Variants in ALK observed in about 807,000 individuals in gnomAD.
ALK encodes the protein ALK receptor tyrosine kinase.
A neutral mutation model predicts 163.1 loss-of-function variants in ALK; 74 were observed. That is an observed-to-expected ratio of 0.45 (90% CI 0.38 to 0.55). The LOEUF (loss-of-function observed/expected upper bound fraction) is 0.55, where lower values mean the gene tolerates loss of function less well. ALK is among the 20% of genes least tolerant of loss of function. ALK has a pLI of 0.00. For missense variants in ALK, 2,063 were observed against 2,105.3 expected, an observed-to-expected ratio of 0.98 and a Z score of 0.39; for synonymous variants, 960 against 843.2, an observed-to-expected ratio of 1.14 and a Z score of -2.40.
intron 1 of ALK, among the ~76,000 whole-genome samples, chr2:29,728,029 G>A (rs539079661): frequency 2.6e-5 from 4 of 152,276 alleles, no homozygotes; most frequent in African/African-American, 9.6e-5. Context: ...CCCACCACAG[G>A]AGAAGGTAGC....
At chr2:29,677,242 T>TCCCCC (rs1677904458) in intron 3 of ALK, among the ~76,000 whole-genome samples, 1 of 32,106 alleles carries the variant, frequency 3.1e-5, no homozygotes, top group Non-Finnish European at 5.6e-5. Flanking sequence ...CCTTCTCCCC[T>TCCCCC]CCCCTCCCCT....
chr2:29,400,523 C>T (rs940899895), intron 4 of ALK, among the ~76,000 whole-genome samples: 1 of 152,188 alleles, frequency 6.6e-6, no homozygotes, highest in Non-Finnish European at 1.5e-5. Context: ...GCTGGGGAGT[C>T]TCATTCCCTC....
intron 3 of ALK, among the ~76,000 whole-genome samples, chr2:29,688,734 T>C (rs1470828211): frequency 6.6e-6 from 1 of 152,176 alleles, no homozygotes. Context: ...GTCACTCCAA[T>C]TACATTTTTC....
At chr2:29,824,169 C>T (rs1271930654) in intron 1 of ALK, among the ~76,000 whole-genome samples, 2 of 152,202 alleles carry the variant, frequency 1.3e-5, no homozygotes, top group Non-Finnish European at 2.9e-5. Flanking sequence ...TGCAGGTACA[C>T]AGAAGTCAAG....
At chr2:29,912,126 A>T (rs980590184) in intron 1 of ALK, among the ~76,000 whole-genome samples, 1 of 152,220 alleles carries the variant, frequency 6.6e-6, no homozygotes, top group African/African-American at 2.4e-5. Flanking sequence ...AGAGCATGGG[A>T]GATCTAACAG....
At chr2:29,609,440 A>G (rs1209862318) in intron 3 of ALK, among the ~76,000 whole-genome samples, 3 of 152,130 alleles carry the variant, frequency 2.0e-5, no homozygotes, top group Admixed American at 6.5e-5. Flanking sequence ...GAAGAGAAAT[A>G]TTAAGAGCTT....
At chr2:29,885,387 A>C (rs1039579981) in intron 1 of ALK, among the ~76,000 whole-genome samples, 2 of 152,166 alleles carry the variant, frequency 1.3e-5, no homozygotes, top group African/African-American at 4.8e-5. Context: ...GAACATCACG[A>C]AAGTCTGAAA....
intron 11 of ALK, among the ~76,000 whole-genome samples, chr2:29,259,014 G>C (rs560614110): frequency 6.6e-6 from 1 of 152,014 alleles, no homozygotes; most frequent in Non-Finnish European, 1.5e-5. Flanking sequence ...ATATCACAAG[G>C]TACATCATGA....
intron 1 of ALK, among the ~76,000 whole-genome samples, chr2:29,733,708 T>C (rs1169919433): frequency 1.3e-5 from 2 of 151,972 alleles, no homozygotes; most frequent in African/African-American, 2.4e-5. Flanking sequence ...CCATTGAGAG[T>C]TCTGAGTTTT....
intron 8 of ALK, among the ~76,000 whole-genome samples, chr2:29,306,691 A>G (rs1666518406): frequency 6.6e-6 from 1 of 152,212 alleles, no homozygotes; most frequent in South Asian, 2.1e-4. Flanking sequence ...ATTCACACAA[A>G]TATGCGAAAT....
At chr2:29,693,693 C>T (rs1678469684) in intron 3 of ALK, among the ~76,000 whole-genome samples, 1 of 152,116 alleles carries the variant, frequency 6.6e-6, no homozygotes, top group Non-Finnish European at 1.5e-5. Flanking sequence ...TGTTAGGCTC[C>T]CTAGTAGCAT....
intron 3 of ALK, among the ~76,000 whole-genome samples, chr2:29,588,346 T>C (rs1307854257): frequency 6.6e-6 from 1 of 152,176 alleles, no homozygotes; most frequent in Non-Finnish European, 1.5e-5. Context: ...TTCTTGCGTC[T>C]CAGCCTCCCG....
At chr2:29,330,347 G>A (rs1667402164) in intron 5 of ALK, among the ~76,000 whole-genome samples, 1 of 152,144 alleles carries the variant, frequency 6.6e-6, no homozygotes, top group South Asian at 2.1e-4. Context: ...CGTCCGTCCA[G>A]GTCCAGCTCA....
In ALK at chr2:29,694,916, C is replaced by T. The variant is rs56077855; in HGVS notation, c.886G>A (p.Glu296Lys). Residue 296 changes from glutamate (E) to lysine (K), a missense_variant, in exon 3 of 29, where the codon GAG becomes AAG. Glu to Lys is a moderately conservative substitution (Grantham distance 56). Coordinates refer to ENST00000389048, the MANE Select transcript of ALK (RefSeq NM_004304.5). ...QSWSWRRIPS[E>K]EASQMDLLDG... ...AGCAAGTCCATCTGGGAGGCCTCCT[C>T]GGAGGGGATGCGGCGCCAGGACCAG... The T allele has an allele frequency of 2.8e-5, 45 of 1,613,988 alleles. No homozygotes were observed. In the Admixed American group the frequency reaches 5.2e-4, roughly 19 times the overall value.
At chr2:29,302,986 A>G (rs1666411842) in intron 8 of ALK, among the ~76,000 whole-genome samples, 1 of 152,238 alleles carries the variant, frequency 6.6e-6, no homozygotes, top group Non-Finnish European at 1.5e-5. Flanking sequence ...GACTAAGACC[A>G]TAAAAGCAAA....
chr2:29,828,060 A>C (rs1256982060), intron 1 of ALK, among the ~76,000 whole-genome samples: 1 of 152,226 alleles, frequency 6.6e-6, no homozygotes, highest in Non-Finnish European at 1.5e-5. Context: ...AAAACAAGAA[A>C]TGGGGAAATG....
At chr2:29,563,970 G>A (rs893361191) in intron 3 of ALK, among the ~76,000 whole-genome samples, 1 of 152,074 alleles carries the variant, frequency 6.6e-6, no homozygotes, top group Admixed American at 6.5e-5. Flanking sequence ...AACCTCAGCC[G>A]CCTCCTTTTT....
intron 1 of ALK, among the ~76,000 whole-genome samples, chr2:29,792,977 C>T (rs533044808): frequency 6.6e-6 from 1 of 152,114 alleles, no homozygotes; most frequent in African/African-American, 2.4e-5. Context: ...CATCCATTGA[C>T]TCTTCCTTTC....
At chr2:29,789,975 C>A (rs577304727) in intron 1 of ALK, among the ~76,000 whole-genome samples, 5 of 152,238 alleles carry the variant, frequency 3.3e-5, no homozygotes, top group African/African-American at 1.2e-4. Context: ...TTATGTTCAT[C>A]CTGATCCCAT....
Sources: allele counts gnomAD v4.1 joint callset (sites outside exome capture counted in the v4.1 genomes callset), GRCh38; gene constraint gnomAD v4.1.1; transcripts MANE v1.5; gene names NCBI Gene and HGNC (gene_info 2026-07-23, HGNC 2026-07-21).